Variants in CECR2 observed in about 807,000 individuals in gnomAD.
CECR2 encodes chromatin remodeling regulator CECR2.
In CECR2, 30 loss-of-function variants were observed where a neutral mutation model predicts 154.5. The ratio of observed to expected loss-of-function variants is 0.19; its 90% CI spans 0.15 to 0.26. The LOEUF (loss-of-function observed/expected upper bound fraction) is 0.26. Among genes scored for constraint, CECR2 ranks in the 10% least tolerant of loss-of-function variants. The probability of loss-of-function intolerance (pLI) is 1.00; values close to 1 mark genes in which losing one functional copy is unlikely to be tolerated. For missense variants in CECR2, 1,743 were observed against 1,829.3 expected (o/e 0.95, Z 0.86); for synonymous variants, 725 against 683.7 (o/e 1.06, Z -0.94).
chr22:17,464,033 A>G lies in CECR2; in HGVS notation c.127-13555A>G, dbSNP rs181088579. On this transcript the variant is annotated intron_variant, in intron 1 of 18. Coordinates refer to ENST00000262608, the MANE Select transcript of CECR2 (RefSeq NM_001290047.2). ...CTTAAATGCTGCTTTTAAACTTAGT[A>G]TGATGGAGGCTGAGAACCATTTGTT... Among the ~76,000 whole-genome samples the G allele has an allele frequency of 1.1e-4, 16 of 152,358 alleles. No homozygotes were observed. The East Asian group carries it at 3.1e-3, about 29-fold the overall frequency.
chr22:17,466,244 G>T (rs1232191856), intron 1 of CECR2, among the ~76,000 whole-genome samples: 1 of 152,134 alleles, frequency 6.6e-6, no homozygotes, highest in Non-Finnish European at 1.5e-5. Flanking sequence ...TTTTAAAATG[G>T]ATTCAATCAA....
chr22:17,527,490 G>C (rs1310096368), intron 9 of CECR2, among the ~76,000 whole-genome samples: 1 of 152,004 alleles, frequency 6.6e-6, no homozygotes, highest in Non-Finnish European at 1.5e-5. Context: ...AAACAAGCCA[G>C]GTGTGGTGGC....
intron 6 of CECR2, among the ~76,000 whole-genome samples, chr22:17,504,268 G>A (rs556881872): frequency 2.8e-4 from 42 of 151,794 alleles, no homozygotes; most frequent in Non-Finnish European, 4.3e-4. Context: ...AGCTACTTGG[G>A]GGGTGCTGAG....
At chr22:17,485,828 T>C (rs560692334) in intron 2 of CECR2, among the ~76,000 whole-genome samples, 135 of 152,298 alleles carry the variant, frequency 8.9e-4, no homozygotes, top group African/African-American at 3.0e-3. Flanking sequence ...GTTAGTGTTG[T>C]ATTCATCTAA....
chr22:17,515,714 C>T (rs937555346), intron 8 of CECR2, among the ~76,000 whole-genome samples: 13 of 149,028 alleles, frequency 8.7e-5, no homozygotes, highest in Non-Finnish European at 1.8e-4. Flanking sequence ...CTCGCTCTGT[C>T]ACCCAGGCTG....
chr22:17,538,051 C>G (rs2300684), intron 10 of CECR2, among the ~76,000 whole-genome samples: 10,225 of 151,702 alleles, frequency 0.067, 515 homozygotes, highest in African/African-American at 0.14. Context: ...AACCTCACCT[C>G]TACCCAAAAT....
intron 1 of CECR2, among the ~76,000 whole-genome samples, chr22:17,402,045 G>A (rs962794478): frequency 1.3e-5 from 2 of 152,082 alleles, no homozygotes; most frequent in East Asian, 3.9e-4. Flanking sequence ...GTGCAGTAGC[G>A]CAGTCTCAGC....
chr22:17,452,872 C>G (rs1003283681), intron 1 of CECR2, among the ~76,000 whole-genome samples: 3 of 152,050 alleles, frequency 2.0e-5, no homozygotes, highest in Non-Finnish European at 2.9e-5. Context: ...AGAGGTCACT[C>G]ATCACATCTT....
intron 9 of CECR2, among the ~76,000 whole-genome samples, chr22:17,535,083 G>A (rs1364663505): frequency 1.3e-5 from 2 of 151,746 alleles, no homozygotes; most frequent in African/African-American, 2.4e-5. Context: ...CCCAGGAGGC[G>A]GAGCTCGCAG....
intron 9 of CECR2, among the ~76,000 whole-genome samples, chr22:17,529,895 CAA>C (rs1034220631): frequency 6.6e-6 from 1 of 151,832 alleles, no homozygotes; most frequent in Non-Finnish European, 1.5e-5. Context: ...CTTCCAACTA[CAA>C]AAAAAGAGAA....
intron 2 of CECR2, among the ~76,000 whole-genome samples, chr22:17,489,406 T>C (rs931175170): frequency 2.6e-5 from 4 of 152,204 alleles, no homozygotes; most frequent in African/African-American, 9.7e-5. Flanking sequence ...GTGAAATATT[T>C]GGCCAAGTGT....
chr22:17,449,946 A>G (rs1305411917), intron 1 of CECR2, among the ~76,000 whole-genome samples: 8 of 152,214 alleles, frequency 5.3e-5, no homozygotes, highest in African/African-American at 1.4e-4. Flanking sequence ...TGTAGCCACA[A>G]TCCTATCAGG....
intron 9 of CECR2, among the ~76,000 whole-genome samples, chr22:17,529,369 C>A (rs916094940): frequency 1.3e-5 from 2 of 151,998 alleles, no homozygotes; most frequent in African/African-American, 2.4e-5. Context: ...CCAGGTAGCC[C>A]AGGGTCGCAT....
At position 17,542,605 on chromosome 22, in the gene CECR2, A is replaced by G. The variant is rs746241065; in HGVS notation, c.2462A>G (p.Asn821Ser). Residue 821 changes from asparagine (N) to serine (S), a missense_variant, in exon 16 of 19, where the codon AAC (asparagine) becomes AGC (serine). By Grantham distance (46) the Asn-to-Ser change is conservative (BLOSUM62 1). This residue lies in a region of CECR2 where 1,250 missense variants were observed against 1,192.1 expected (regional missense o/e 1.05). Transcript: ENST00000262608. ...GTCATGAGACCACCTGTCCCCCCCAACCAGTGGACTGAACAATCAGGCTTC... is the reference window on the plus strand; with the variant it reads ...GTCATGAGACCACCTGTCCCCCCCAGCCAGTGGACTGAACAATCAGGCTTC... Reference protein sequence around the residue: ...SRVMRPPVPPNQWTEQSGFLP... With the variant: ...SRVMRPPVPPSQWTEQSGFLP... The G allele has an allele frequency of 5.6e-6, 9 of 1,613,922 alleles. No individual in the cohort carries two copies. Among genetic ancestry groups the G allele is most frequent in the East Asian group, 2.2e-5 (1 of 44,876 alleles).
rs779589916 is a variant in CECR2 at position 17,504,858 on chromosome 22, C to G, written c.712C>G (p.Pro238Ala). Residue 238 changes from proline to alanine, a missense_variant, in exon 7 of 19, where the codon CCA (proline) becomes GCA (alanine). Around this residue, in one of 4 missense-constraint regions of CECR2, gnomAD observed 292 missense variants for 301.2 expected, o/e 0.97. Coordinates refer to ENST00000262608, the MANE Select transcript of CECR2 (RefSeq NM_001290047.2). ...EPQTRHGSQG[P>A]GQGTWWLLCQ... ...CCTTTATTTTCTAGGGTCCCAAGGG[C>G]CAGGCCAAGGTACTTGGTGGCTCCT... is the stretch of plus-strand genomic sequence containing the variant. The G allele has an allele frequency of 9.9e-6, 16 of 1,613,348 alleles. No homozygotes were observed. In the East Asian group the frequency reaches 3.3e-4, roughly 34 times the overall value.
intron 1 of CECR2, among the ~76,000 whole-genome samples, chr22:17,377,014 G>T (rs2063126739): frequency 6.6e-6 from 1 of 152,212 alleles, no homozygotes; most frequent in Admixed American, 6.5e-5. Flanking sequence ...TTCTTAGGCA[G>T]ATGACTGTGG....
intron 9 of CECR2, among the ~76,000 whole-genome samples, chr22:17,531,874 C>T (rs891083060): frequency 2.6e-5 from 4 of 152,094 alleles, no homozygotes; most frequent in Non-Finnish European, 4.4e-5. Context: ...CCTCAGGGGA[C>T]GATGGGATTG....
At chr22:17,516,339 C>T (rs1019322014) in intron 8 of CECR2, among the ~76,000 whole-genome samples, 4 of 151,906 alleles carry the variant, frequency 2.6e-5, no homozygotes, top group African/African-American at 9.7e-5. Flanking sequence ...TGTACATGCA[C>T]CTGTGTGTAC....
At chr22:17,389,367 C>T (rs1427478849) in intron 1 of CECR2, among the ~76,000 whole-genome samples, 2 of 152,220 alleles carry the variant, frequency 1.3e-5, no homozygotes, top group African/African-American at 4.8e-5. Context: ...GTCCGGCTAG[C>T]TAGCTAGGCA....
Sources: gnomAD v4.1 joint callset for allele counts (sites outside exome capture counted in the v4.1 genomes callset) on GRCh38, gnomAD v4.1.1 for gene constraint, gnomAD v4.1.1 regional missense constraint, MANE v1.5 for transcripts, NCBI Gene and HGNC (gene_info 2026-07-23, HGNC 2026-07-21) for gene names.